Variants in CHRM2 observed in about 807,000 individuals in gnomAD.
CHRM2 encodes muscarinic acetylcholine receptor M2.
CHRM2 carries 8 observed loss-of-function variants against 25.0 expected under a neutral mutation model. The observed-to-expected ratio is 0.32, with a 90% confidence interval of 0.19 to 0.58. CHRM2 has a LOEUF of 0.58. Among genes scored for constraint, CHRM2 ranks in the 20% least tolerant of loss-of-function variants. CHRM2 has a pLI of 0.88. For synonymous variants in CHRM2, 202 were observed against 205.7 expected, an observed-to-expected ratio of 0.98 and a Z score of 0.15; for missense variants, 440 against 567.1, an observed-to-expected ratio of 0.78 and a Z score of 2.28.
At chr7:136,968,890 G>C (rs1167497252) in intron 2 of CHRM2, among the ~76,000 whole-genome samples, 1 of 151,792 alleles carries the variant, frequency 6.6e-6, no homozygotes, top group Admixed American at 6.6e-5. Flanking sequence ...CAATATCCAT[G>C]AACATAAATC....
chr7:136,959,306 G>T (rs555315215), intron 2 of CHRM2, among the ~76,000 whole-genome samples: 14 of 152,170 alleles, frequency 9.2e-5, no homozygotes, highest in Non-Finnish European at 1.5e-4. Flanking sequence ...TTTAAAGGAG[G>T]TTATGCCCTT....
chr7:136,949,426 G>A (rs1298842873), intron 2 of CHRM2, among the ~76,000 whole-genome samples: 1 of 142,898 alleles, frequency 7.0e-6, no homozygotes, highest in African/African-American at 2.7e-5. Flanking sequence ...AGACCAGATT[G>A]GGCAACATAA....
chr7:136,879,750 T>C (rs1359794420), intron 2 of CHRM2, among the ~76,000 whole-genome samples: 2 of 152,060 alleles, frequency 1.3e-5, no homozygotes, highest in Middle Eastern at 3.4e-3. Flanking sequence ...TTTAAATTTC[T>C]CTCATTTATA....
chr7:136,970,986 C>T (rs1029655840), intron 2 of CHRM2, among the ~76,000 whole-genome samples: 1 of 152,138 alleles, frequency 6.6e-6, no homozygotes. Flanking sequence ...CACAATTGAA[C>T]AAAATAAATT....
chr7:136,963,336 G>A lies in CHRM2; in HGVS notation c.-124-28851G>A, dbSNP rs192325504. 2.4e-3 allele frequency among the ~76,000 whole-genome samples: 364 copies of A among 152,290 alleles called. 1 individual carries two copies. The highest frequency in any genetic ancestry group is 3.6e-3 in the Non-Finnish European group (248 of 68,022). ...TCGTAAGCACGAGACATGGTGCTGA[G>A]CAGTGGAGAAACAGAGTTAAAGAAG... On this transcript the variant is annotated intron_variant, in intron 2 of 3. Transcript: ENST00000680005.
intron 2 of CHRM2, among the ~76,000 whole-genome samples, chr7:136,906,265 AAAT>A (rs1379072728): frequency 6.6e-6 from 1 of 151,022 alleles, no homozygotes; most frequent in African/African-American, 2.4e-5. Flanking sequence ...ATGTGTGATT[AAAT>A]AATTAAAAAT....
chr7:136,938,476 T>C, intron 2 of CHRM2: 2 of 1,122,736 alleles, frequency 1.8e-6, no homozygotes, highest in Non-Finnish European at 2.7e-6. Flanking sequence ...GCGCACGGCC[T>C]GGATGTTGGG....
At chr7:137,007,464 T>C (rs1804521113) in intron 3 of CHRM2, among the ~76,000 whole-genome samples, 1 of 152,030 alleles carries the variant, frequency 6.6e-6, no homozygotes, top group Non-Finnish European at 1.5e-5. Context: ...CACTACTCCT[T>C]GCGGCCACCA....
intron 3 of CHRM2, among the ~76,000 whole-genome samples, chr7:137,010,589 C>T (rs1804737968): frequency 6.6e-6 from 1 of 151,978 alleles, no homozygotes; most frequent in Non-Finnish European, 1.5e-5. Flanking sequence ...AACGATTCCA[C>T]ATGGCCTGTG....
At chr7:136,904,417 G>A (rs2130642200) in intron 2 of CHRM2, among the ~76,000 whole-genome samples, 1 of 151,844 alleles carries the variant, frequency 6.6e-6, no homozygotes, top group East Asian at 1.9e-4. Flanking sequence ...TAAGAAAAAT[G>A]CTTGTAGTAT....
intron 3 of CHRM2, among the ~76,000 whole-genome samples, chr7:137,011,905 T>C (rs972237992): frequency 2.6e-5 from 4 of 151,996 alleles, no homozygotes; most frequent in African/African-American, 9.7e-5. Flanking sequence ...ACATTCAGAA[T>C]TTTAATCTTT....
intron 2 of CHRM2, among the ~76,000 whole-genome samples, chr7:136,928,221 G>A (rs932908153): frequency 7.2e-5 from 11 of 152,076 alleles, no homozygotes; most frequent in African/African-American, 2.7e-4. Flanking sequence ...TTGCTCTAAC[G>A]GTTAAACCTG....
chr7:136,894,264 A>G (rs1450417556), intron 2 of CHRM2, among the ~76,000 whole-genome samples: 7 of 152,248 alleles, frequency 4.6e-5, no homozygotes, highest in African/African-American at 1.7e-4. Context: ...AAAGGGTAAC[A>G]TATGAACAAA....
At chr7:136,887,140 A>G (rs1415084422) in intron 2 of CHRM2, among the ~76,000 whole-genome samples, 1 of 152,202 alleles carries the variant, frequency 6.6e-6, no homozygotes, top group Non-Finnish European at 1.5e-5. Context: ...GGGCAGTGAG[A>G]CTGCATAACT....
At chr7:136,893,460 C>A (rs1363534525) in intron 2 of CHRM2, among the ~76,000 whole-genome samples, 3 of 152,130 alleles carry the variant, frequency 2.0e-5, no homozygotes, top group Non-Finnish European at 2.9e-5. Flanking sequence ...TTCCTTTTAC[C>A]ATTGGCACAC....
chr7:136,888,560 G>A (rs541443355), intron 2 of CHRM2, among the ~76,000 whole-genome samples: 1 of 152,146 alleles, frequency 6.6e-6, no homozygotes, highest in South Asian at 2.1e-4. Flanking sequence ...TCTGTGGTGG[G>A]GAGTGAGTTT....
intron 2 of CHRM2, among the ~76,000 whole-genome samples, chr7:136,873,291 T>A (rs1770075650): frequency 6.6e-6 from 1 of 152,158 alleles, no homozygotes; most frequent in Non-Finnish European, 1.5e-5. Context: ...GCCTATGTGG[T>A]GGAGGTGGTA....
intron 3 of CHRM2, among the ~76,000 whole-genome samples, chr7:137,008,946 A>G (rs1206447002): frequency 6.6e-6 from 1 of 152,044 alleles, no homozygotes; most frequent in Admixed American, 6.6e-5. Context: ...AGTCAGAGAG[A>G]CCTAAATTTG....
At chr7:136,938,390 G>A in intron 2 of CHRM2, 3 of 1,584,452 alleles carry the variant, frequency 1.9e-6, no homozygotes, top group East Asian at 2.2e-5. Flanking sequence ...TTGTTCTGCT[G>A]CTCCAGGAAC....
Sources: allele counts gnomAD v4.1 joint callset (sites outside exome capture counted in the v4.1 genomes callset), GRCh38; gene constraint gnomAD v4.1.1; transcripts MANE v1.5; gene names NCBI Gene and HGNC (gene_info 2026-07-23, HGNC 2026-07-21).